MS4A12: variants seen among roughly 807,000 people sequenced by gnomAD.
The protein encoded by MS4A12 is membrane spanning 4-domains A12, also known as membrane-spanning 4-domains subfamily A member 12.
A neutral mutation model predicts 23.7 loss-of-function variants in MS4A12; 28 were observed. That is an observed-to-expected ratio of 1.18 (90% CI 0.88 to 1.62). The LOEUF (loss-of-function observed/expected upper bound fraction) is 1.62, where lower values mean the gene tolerates loss of function less well. MS4A12 is among the 40% of genes most tolerant of loss of function. The pLI is 0.00. For synonymous variants in MS4A12, 108 were observed against 110.1 expected, an observed-to-expected ratio of 0.98 and a Z score of 0.12; for missense variants, 342 against 327.0, an observed-to-expected ratio of 1.05 and a Z score of -0.35.
chr11:60,498,195 A>C (rs530774669), intron 2 of MS4A12: 2 of 152,520 alleles, frequency 1.3e-5, no homozygotes, highest in Non-Finnish European at 2.9e-5. Context: ...CCACCTGCCT[A>C]GGTAGAATTG....
At chr11:60,501,832 C>T in intron 3 of MS4A12, 151 bp from the exon 4 acceptor site, 1 of 676,534 alleles carries the variant, frequency 1.5e-6, no homozygotes, top group East Asian at 2.6e-5. Flanking sequence ...GGACATATGA[C>T]TGAGAGTTAC....
At chr11:60,503,593 T>A (rs1328295926) in intron 4 of MS4A12, 108 bp from the exon 5 acceptor site, 1 of 878,552 alleles carries the variant, frequency 1.1e-6, no homozygotes, top group Non-Finnish European at 1.8e-6. Context: ...ACTTGAAAAA[T>A]TGTTTTGAAA....
intron 5 of MS4A12, among the ~76,000 whole-genome samples, chr11:60,504,640 A>G (rs1461732928): frequency 6.6e-6 from 1 of 152,262 alleles, no homozygotes; most frequent in African/African-American, 2.4e-5. Flanking sequence ...TGACTTCCTT[A>G]TCTATCTAGA....
At position 60,503,740 on chromosome 11, in the gene MS4A12, T is replaced by G. The variant is rs149091457; in HGVS notation, c.511T>G (p.Leu171Val). Residue 171 changes from leucine to valine, a missense_variant, in exon 5 of 7, where the codon TTG (leucine) becomes GTG (valine). Transcript: ENST00000016913. ...GGGAATGAACATTGTTAGTTCTATC[T>G]TGGCCTTCATTGGAGTGATTCTGCT... The part of the protein sequence containing the change: ...SLGMNIVSSI[L>V]AFIGVILLLV... 9.3e-6 allele frequency: 15 copies of G among 1,613,824 alleles called. No individual in the cohort carries two copies. Among genetic ancestry groups the G allele is most frequent in the African/African-American group, 6.7e-5 (5 of 74,930 alleles).
chr11:60,499,128 T>C (rs2086511628), intron 2 of MS4A12, among the ~76,000 whole-genome samples: 1 of 115,832 alleles, frequency 8.6e-6, no homozygotes, highest in Non-Finnish European at 1.8e-5. Flanking sequence ...CAGAAGCTAC[T>C]TCCTCTCTCT....
chr11:60,505,473 G>A (rs1240371532), intron 5 of MS4A12, among the ~76,000 whole-genome samples: 1 of 151,516 alleles, frequency 6.6e-6, no homozygotes, highest in Non-Finnish European at 1.5e-5. Flanking sequence ...AGTGAAGCAA[G>A]AACAAAATTC....
Position 60,502,182 on chromosome 11 carries a change from G to A in MS4A12, c.471+143G>A, listed in dbSNP as rs760466093. The A allele has an allele frequency of 4.8e-4, 372 of 776,714 alleles. 3 individuals are homozygous for A. In the Middle Eastern group the frequency reaches 4.9e-3, roughly 10 times the overall value. The allele number at this position is 776,714 out of a possible 1,614,324, so 48.1% of individuals were successfully genotyped here. On this transcript the variant is annotated intron_variant, in intron 4 of 6. Transcript: ENST00000016913. ...ATCTATTGGTTGCCTTATGGTCTGAGCGCTGGGGTGAGAAAATGGTCCACA... is the reference window on the plus strand; with the variant it reads ...ATCTATTGGTTGCCTTATGGTCTGAACGCTGGGGTGAGAAAATGGTCCACA...
rs113715160 is a variant in MS4A12 at position 60,502,379 on chromosome 11, A to G, written c.471+340A>G. On this transcript the variant is annotated intron_variant, in intron 4 of 6. Coordinates refer to ENST00000016913, the MANE Select transcript of MS4A12 (RefSeq NM_017716.3). The stretch of plus-strand genomic sequence containing the variant: ...GGAGAATCCAGGAGCCAGGAAATAC[A>G]TACTAGACACATCAGTTACCAAGTC... 3.7e-3 allele frequency among the ~76,000 whole-genome samples: 571 copies of G among 152,344 alleles called. 6 individuals are homozygous for G. The highest frequency in any genetic ancestry group is 0.013 in the African/African-American group (544 of 41,570).
intron 2 of MS4A12, among the ~76,000 whole-genome samples, chr11:60,498,280 C>G (rs887735616): frequency 6.6e-6 from 1 of 152,224 alleles, no homozygotes; most frequent in African/African-American, 2.4e-5. Context: ...TATTAAGTCT[C>G]TCCCTGTGAA....
intron 5 of MS4A12, among the ~76,000 whole-genome samples, chr11:60,504,134 T>C (rs1448445387): frequency 2.6e-5 from 4 of 152,210 alleles, no homozygotes; most frequent in Non-Finnish European, 2.9e-5. Flanking sequence ...TGAAATTCTA[T>C]ATAAATAAGG....
intron 5 of MS4A12, among the ~76,000 whole-genome samples, chr11:60,506,091 A>G (rs908093132): frequency 1.3e-5 from 2 of 152,234 alleles, no homozygotes; most frequent in African/African-American, 4.8e-5. Flanking sequence ...AATGGAAGCA[A>G]GGAAGACAAA....
intron 3 of MS4A12, 67 bp from the exon 4 acceptor site, chr11:60,501,916 T>A (rs1161025712): frequency 2.1e-6 from 3 of 1,424,980 alleles, no homozygotes; most frequent in Non-Finnish European, 2.9e-6. Flanking sequence ...CAACCTTTCA[T>A]ATAAAGAGAA....
intron 5 of MS4A12, among the ~76,000 whole-genome samples, chr11:60,505,619 T>C (rs1438900167): frequency 6.6e-6 from 1 of 152,154 alleles, no homozygotes; most frequent in Non-Finnish European, 1.5e-5. Context: ...GACCTGGCTC[T>C]TGTTTCCCTA....
In MS4A12 at chr11:60,500,251, CAAAAAAAAACAA is replaced by C. The variant is rs1441130221; in HGVS notation, c.277-781_277-770del. Among the ~76,000 whole-genome samples the C allele has an allele frequency of 1.5e-4, 15 of 100,656 alleles. No homozygotes were observed. In the East Asian group the frequency reaches 3.0e-3, roughly 20 times the overall value. 66.0% of individuals were successfully genotyped at this position (100,656 alleles called of 152,430 possible). ...GCAAGACTCTGTCTCAAAAAAAAACCAAAAAAAAACAAAAAAAAAAACAATATAAATGAATCC... is the reference window on the plus strand; with the variant it reads ...GCAAGACTCTGTCTCAAAAAAAAACCAAAAAAAAACAATATAAATGAATCC... On this transcript the variant is annotated intron_variant, in intron 2 of 6. Coordinates refer to ENST00000016913, the MANE Select transcript of MS4A12 (RefSeq NM_017716.3).
intron 2 of MS4A12, 27 bp downstream of exon 2, chr11:60,497,621 A>G: frequency 8.7e-6 from 14 of 1,609,330 alleles, no homozygotes; most frequent in Non-Finnish European, 1.2e-5. Context: ...CCAGAATTTT[A>G]ATTTCACATT....
chr11:60,493,510 G>A (rs2086465104), intron 1 of MS4A12, among the ~76,000 whole-genome samples: 1 of 152,190 alleles, frequency 6.6e-6, no homozygotes, highest in South Asian at 2.1e-4. Flanking sequence ...GGCTACCACA[G>A]GGACAACATA....
chr11:60,500,918 T>C, intron 2 of MS4A12, 127 bp from the exon 3 acceptor site: 1 of 1,046,666 alleles, frequency 9.6e-7, no homozygotes, highest in Admixed American at 2.5e-5. Flanking sequence ...GCTTCAGATG[T>C]GTGCCTGAAT....
chr11:60,500,581 T>C (rs2086522976), intron 2 of MS4A12, among the ~76,000 whole-genome samples: 1 of 152,200 alleles, frequency 6.6e-6, no homozygotes, highest in Non-Finnish European at 1.5e-5. Context: ...ATGTAAAGTG[T>C]TCAGAACATG....
rs138000254 is a variant in MS4A12 at position 60,500,855 on chromosome 11, C to T, written c.277-190C>T. Among the ~76,000 whole-genome samples, 3 of 152,320 alleles carry T rather than the reference C, an allele frequency of 2.0e-5. No homozygotes were observed. The East Asian group carries it at 5.8e-4, about 29-fold the overall frequency. The stretch of plus-strand genomic sequence containing the variant: ...TCAAAACAGGGCGTTTCACTAAGGG[C>T]CTTGCACTCCAGTTATTCTAGTATA... On this transcript the variant is annotated intron_variant, in intron 2 of 6. Coordinates refer to ENST00000016913, the MANE Select transcript of MS4A12 (RefSeq NM_017716.3).
Sources: allele counts gnomAD v4.1 joint callset (sites outside exome capture counted in the v4.1 genomes callset), GRCh38; gene constraint gnomAD v4.1.1; transcripts MANE v1.5; gene names NCBI Gene and HGNC (gene_info 2026-07-23, HGNC 2026-07-21).